Variants in SCGB2B2 observed in about 807,000 individuals in gnomAD.
SCGB2B2 encodes secretoglobin-like protein.
A neutral mutation model predicts 7.6 loss-of-function variants in SCGB2B2; 11 were observed. The observed-to-expected ratio is 1.45, with a 90% CI of 0.91 to 2.40. The LOEUF (loss-of-function observed/expected upper bound fraction) is 2.40. SCGB2B2 is among the 30% of genes most tolerant of loss of function. SCGB2B2 has a pLI of 0.00. For synonymous variants in SCGB2B2, 50 were observed against 48.6 expected (o/e 1.03, Z -0.12); for missense variants, 104 against 115.4 (o/e 0.90, Z 0.45).
At chr19:34,615,864 G>A (rs1350561950) in intron 1 of SCGB2B2, among the ~76,000 whole-genome samples, 1 of 126,922 alleles carries the variant, frequency 7.9e-6, no homozygotes, top group Non-Finnish European at 1.6e-5. Context: ...ACAGTCCCCA[G>A]AGTGTGATGT....
Position 34,592,148 on chromosome 19 carries a change from CT to C in SCGB2B2, c.*1406del, listed in dbSNP as rs2065312168. On this transcript the variant is annotated 3_prime_UTR_variant, in exon 4 of 4. Transcript: ENST00000601241. ...ACGTGTGACCTGGAGGAGATGACGG[CT>C]GAGGGATGACAAGGAGAATGGGTGG... 2.6e-5 allele frequency among the ~76,000 whole-genome samples: 4 copies of C among 151,960 alleles called. No individual in the cohort carries two copies.
intron 1 of SCGB2B2, among the ~76,000 whole-genome samples, chr19:34,642,016 C>T (rs1383745768): frequency 6.6e-6 from 1 of 152,144 alleles, no homozygotes; most frequent in Admixed American, 6.5e-5. Context: ...AGTTTTGGTG[C>T]AGCAAGCAGG....
At position 34,607,682 on chromosome 19, in the gene SCGB2B2, ATT is replaced by A. The variant is rs533020566; in HGVS notation, c.-2031-11090_-2031-11089del. Among the ~76,000 whole-genome samples, 4 of 152,314 alleles carry A rather than the reference ATT, an allele frequency of 2.6e-5. No homozygotes were observed. The South Asian group carries it at 8.3e-4, about 32-fold the overall frequency. On this transcript the variant is annotated intron_variant, in intron 1 of 3. Transcript: ENST00000601241. ...GTGGTATGTTGTGGTTTTGATTGCCATTTCCCTGATGATTCGTGATGGTGAAC... is the reference window on the plus strand; with the variant it reads ...GTGGTATGTTGTGGTTTTGATTGCCATCCCTGATGATTCGTGATGGTGAAC...
At chr19:34,612,615 G>A (rs2065964299) in intron 1 of SCGB2B2, among the ~76,000 whole-genome samples, 1 of 152,080 alleles carries the variant, frequency 6.6e-6, no homozygotes, top group Non-Finnish European at 1.5e-5. Context: ...CTTATGAAAG[G>A]AATTTATATT....
At chr19:34,629,485 G>C (rs894948016) in intron 1 of SCGB2B2, among the ~76,000 whole-genome samples, 11 of 151,846 alleles carry the variant, frequency 7.2e-5, no homozygotes, top group Non-Finnish European at 1.6e-4. Flanking sequence ...CAGATAAACA[G>C]AGAACCAAAT....
chr19:34,667,273 A>T (rs542998792), intron 1 of SCGB2B2, among the ~76,000 whole-genome samples: 36 of 151,596 alleles, frequency 2.4e-4, no homozygotes, highest in Admixed American at 1.8e-3. Flanking sequence ...ACCCCATCCT[A>T]TCCCTCCTTC....
At chr19:34,651,700 T>C (rs1397491147) in intron 1 of SCGB2B2, among the ~76,000 whole-genome samples, 1 of 151,254 alleles carries the variant, frequency 6.6e-6, no homozygotes, top group Non-Finnish European at 1.5e-5. Context: ...AATGACCATG[T>C]TACCAAAAGT....
chr19:34,608,982 G>GTTATC (rs1453183483), intron 1 of SCGB2B2, among the ~76,000 whole-genome samples: 2 of 151,854 alleles, frequency 1.3e-5, no homozygotes, highest in Admixed American at 6.6e-5. Flanking sequence ...ACTAGCATTT[G>GTTATC]TTATCTTTTG....
intron 1 of SCGB2B2, among the ~76,000 whole-genome samples, chr19:34,625,226 ACTGAGGTACCGGGTTCATCT>A (rs1348076345): frequency 6.6e-6 from 1 of 152,148 alleles, no homozygotes; most frequent in Non-Finnish European, 1.5e-5. Flanking sequence ...TGCATTTCCA[ACTGAGGTACCGGGTTCATCT>A]CACTGTGGAG....
rs189872870 is a variant in SCGB2B2 at position 34,661,060 on chromosome 19, T to C, written c.-2032+14570A>G. Among the ~76,000 whole-genome samples, 284 of 133,556 alleles carry C rather than the reference T, an allele frequency of 2.1e-3. 3 individuals are homozygous for C. Among genetic ancestry groups the C allele is most frequent in the African/African-American group, 8.1e-3 (276 of 34,252 alleles). 87.6% of individuals were successfully genotyped at this position (133,556 alleles called of 152,430 possible). A position where few individuals can be genotyped will look rare whatever the true frequency, so the allele number is the denominator to read the frequency against. ...AACACCACATATTCTCACTCATAGG[T>C]GGGAGTTGAACAATGAGAACACATG... On this transcript the variant is annotated intron_variant, in intron 1 of 3. Transcript: ENST00000601241.
chr19:34,658,642 A>T (rs2067351815), intron 1 of SCGB2B2, among the ~76,000 whole-genome samples: 1 of 152,130 alleles, frequency 6.6e-6, no homozygotes, highest in Non-Finnish European at 1.5e-5. Flanking sequence ...CCAGGATCAG[A>T]TGGATTCACA....
At chr19:34,621,689 A>G (rs2066246965) in intron 1 of SCGB2B2, among the ~76,000 whole-genome samples, 1 of 152,230 alleles carries the variant, frequency 6.6e-6, no homozygotes. Flanking sequence ...TTCATTAATT[A>G]AAACTTTACA....
At chr19:34,668,004 A>G (rs970655386) in intron 1 of SCGB2B2, among the ~76,000 whole-genome samples, 5 of 152,198 alleles carry the variant, frequency 3.3e-5, no homozygotes, top group Non-Finnish European at 4.4e-5. Flanking sequence ...CAACACCCAC[A>G]TATGTAGTGA....
intron 1 of SCGB2B2, among the ~76,000 whole-genome samples, chr19:34,633,666 GA>G (rs773626172): frequency 1.0e-3 from 154 of 152,204 alleles, no homozygotes; most frequent in Non-Finnish European, 1.6e-3. Context: ...CTTTGCAGGT[GA>G]TGAATCTGCT....
chr19:34,650,508 A>C (rs2067136364), intron 1 of SCGB2B2, among the ~76,000 whole-genome samples: 2 of 151,262 alleles, frequency 1.3e-5, no homozygotes, highest in Non-Finnish European at 2.9e-5. Context: ...ACACCTAGCA[A>C]AAATGTATAA....
intron 1 of SCGB2B2, among the ~76,000 whole-genome samples, chr19:34,623,820 A>G (rs1045994564): frequency 1.2e-4 from 19 of 152,142 alleles, no homozygotes; most frequent in Non-Finnish European, 2.8e-4. Context: ...TTAAATGCCA[A>G]TGTAGTTGTG....
intron 1 of SCGB2B2, among the ~76,000 whole-genome samples, chr19:34,598,561 CA>C (rs2065528314): frequency 6.6e-6 from 1 of 152,054 alleles, no homozygotes; most frequent in Middle Eastern, 3.2e-3. Flanking sequence ...GGTCTGGACC[CA>C]GGGGGAAAAC....
chr19:34,649,079 T>C (rs2067096840), intron 1 of SCGB2B2, among the ~76,000 whole-genome samples: 6 of 152,078 alleles, frequency 3.9e-5, no homozygotes, highest in Admixed American at 3.3e-4. Flanking sequence ...ATTTTTTGTA[T>C]CTTTCTTTAG....
At chr19:34,657,910 T>G (rs1467012838) in intron 1 of SCGB2B2, among the ~76,000 whole-genome samples, 1 of 152,196 alleles carries the variant, frequency 6.6e-6, no homozygotes, top group Non-Finnish European at 1.5e-5. Context: ...CAGACCAAAG[T>G]GCAATCAAAT....
Sources: allele counts gnomAD v4.1 joint callset (sites outside exome capture counted in the v4.1 genomes callset), GRCh38; gene constraint gnomAD v4.1.1; transcripts MANE v1.5; gene names NCBI Gene and HGNC (gene_info 2026-07-23, HGNC 2026-07-21).